Variants in BAZ1A observed in about 807,000 individuals in gnomAD.
BAZ1A encodes the protein bromodomain adjacent to zinc finger domain protein 1A.
BAZ1A carries 50 observed loss-of-function variants against 185.2 expected under a neutral mutation model. That is an observed-to-expected ratio of 0.27 (90% confidence interval 0.22 to 0.34). The LOEUF is 0.34. Among genes scored for constraint, BAZ1A ranks in the 10% least tolerant of loss-of-function variants. BAZ1A has a pLI of 1.00. For missense variants in BAZ1A, 1,356 were observed against 1,839.9 expected, an observed-to-expected ratio of 0.74 and a Z score of 4.81; for synonymous variants, 571 against 615.6, an observed-to-expected ratio of 0.93 and a Z score of 1.07.
intron 6 of BAZ1A, among the ~76,000 whole-genome samples, chr14:34,805,195 G>A (rs1177704957): frequency 1.3e-5 from 2 of 152,294 alleles, no homozygotes; most frequent in African/African-American, 4.8e-5. Context: ...ACTGTGAGCC[G>A]ATTAAACCTC....
chr14:34,815,389 CA>C (rs2041991367), intron 4 of BAZ1A, among the ~76,000 whole-genome samples: 1 of 152,166 alleles, frequency 6.6e-6, no homozygotes, highest in Admixed American at 6.6e-5. Flanking sequence ...AAAAAACTTA[CA>C]TTTTAATCAT....
intron 3 of BAZ1A, among the ~76,000 whole-genome samples, chr14:34,836,438 C>T (rs2042333367): frequency 7.0e-6 from 1 of 142,164 alleles, no homozygotes; most frequent in Admixed American, 7.1e-5. Flanking sequence ...AACTGAGACA[C>T]ATGCAGAATT....
chr14:34,803,177 G>A (rs893346455), intron 6 of BAZ1A, among the ~76,000 whole-genome samples, 189 bp from the exon 7 acceptor site: 3 of 151,938 alleles, frequency 2.0e-5, no homozygotes, highest in African/African-American at 4.8e-5. Context: ...TCAAGAGATC[G>A]AGACCATCCT....
chr14:34,816,018 C>T lies in BAZ1A; in HGVS notation c.537-4982G>A, dbSNP rs140823615. Among the ~76,000 whole-genome samples the T allele has an allele frequency of 1.4e-4, 21 of 149,578 alleles. No individual in the cohort carries two copies. In the East Asian group the frequency reaches 2.5e-3, roughly 18 times the overall value. ...CTAACGATTAGTCAAGTTATAATGA[C>T]GGCTAGACTATACTGCATCAAAGTA... On this transcript the variant is annotated intron_variant, in intron 4 of 26. Coordinates refer to ENST00000360310, the MANE Select transcript of BAZ1A (RefSeq NM_013448.3).
chr14:34,856,093 C>T (rs539051411), intron 3 of BAZ1A, among the ~76,000 whole-genome samples: 60 of 152,194 alleles, frequency 3.9e-4, no homozygotes, highest in African/African-American at 1.4e-3. Flanking sequence ...AGGATTGGAA[C>T]AAGCAAGCTA....
At chr14:34,760,552 CA>C (rs1046203681) in intron 24 of BAZ1A, among the ~76,000 whole-genome samples, 2 of 137,002 alleles carry the variant, frequency 1.5e-5, no homozygotes, top group African/African-American at 5.4e-5. Flanking sequence ...AAAACAACAA[CA>C]AAAAAATAGG....
chr14:34,869,225 A>G (rs1342929471), intron 2 of BAZ1A, among the ~76,000 whole-genome samples: 1 of 152,026 alleles, frequency 6.6e-6, no homozygotes, highest in Non-Finnish European at 1.5e-5. Context: ...TAAATAAATA[A>G]ATAACATAAC....
At chr14:34,792,742 A>G (rs372037049) in intron 12 of BAZ1A, 33 bp downstream of exon 12, 445 of 1,604,248 alleles carry the variant, frequency 2.8e-4, no homozygotes, top group Admixed American at 5.1e-4. Flanking sequence ...CAAAACTACT[A>G]TGGTTCAATC....
chr14:34,853,617 T>C (rs2042630513), intron 3 of BAZ1A, among the ~76,000 whole-genome samples: 1 of 152,160 alleles, frequency 6.6e-6, no homozygotes, highest in Non-Finnish European at 1.5e-5. Flanking sequence ...AAACTCTGTC[T>C]TTACTAAAAA....
intron 7 of BAZ1A, 119 bp from the exon 8 acceptor site, chr14:34,801,312 G>T: frequency 1.3e-6 from 1 of 740,774 alleles, no homozygotes; most frequent in Non-Finnish European, 2.2e-6. Context: ...ATTTTTTTGA[G>T]ACAAAGTCTC....
rs1886243907 is a variant in BAZ1A at position 34,756,343 on chromosome 14, T to C, written c.4387-1429A>G. ...TGTTAGCCAGGATGGTCTCAATCTC[T>C]TGACCTCGTGATCTGCCCACCTCGG... On this transcript the variant is annotated intron_variant, in intron 25 of 26. Coordinates refer to ENST00000360310, the MANE Select transcript of BAZ1A (RefSeq NM_013448.3). 3.3e-5 allele frequency among the ~76,000 whole-genome samples: 5 copies of C among 151,770 alleles called. No individual in the cohort carries two copies. In the South Asian group the frequency reaches 1.0e-3, roughly 32 times the overall value.
intron 6 of BAZ1A, among the ~76,000 whole-genome samples, chr14:34,803,449 A>G (rs1372013930): frequency 1.3e-5 from 2 of 151,976 alleles, no homozygotes; most frequent in Non-Finnish European, 2.9e-5. Context: ...AGTAAAATAC[A>G]TTTTAGTTGG....
At chr14:34,793,194 G>T (rs1023287549) in intron 11 of BAZ1A, among the ~76,000 whole-genome samples, 1 of 151,944 alleles carries the variant, frequency 6.6e-6, no homozygotes, top group Admixed American at 6.6e-5. Flanking sequence ...TAAATTTAAG[G>T]CACAAATTAA....
intron 3 of BAZ1A, chr14:34,828,511 T>A (rs1309606021): frequency 1.3e-5 from 2 of 151,862 alleles, no homozygotes; most frequent in Middle Eastern, 3.4e-3. Context: ...CAAAACTTTC[T>A]CGTTTCCTCA....
rs149605630 is a variant in BAZ1A, at chr14:34,773,108, C to T, written c.3152+464G>A. On this transcript the variant is annotated intron_variant, in intron 20 of 26. Transcript: ENST00000360310. ...TAAAAAAAAGAGAGACAGGGTCTCA[C>T]TATGTTGCCCAGGCTGGTCTCCAAC... 6.1e-3 allele frequency among the ~76,000 whole-genome samples: 936 copies of T among 152,270 alleles called. 17 individuals are homozygous for T. The highest frequency in any genetic ancestry group is 0.022 in the African/African-American group (904 of 41,556).
chr14:34,848,517 C>T (rs1346521369), intron 3 of BAZ1A, among the ~76,000 whole-genome samples: 3 of 152,094 alleles, frequency 2.0e-5, no homozygotes, highest in East Asian at 3.9e-4. Flanking sequence ...GCAGGAGAAT[C>T]ACTTGAACCC....
intron 11 of BAZ1A, 130 bp from the exon 12 acceptor site, chr14:34,793,051 T>A (rs919796327): frequency 8.6e-6 from 7 of 813,368 alleles, no homozygotes; most frequent in Non-Finnish European, 1.3e-5. Flanking sequence ...TATGAAAGTA[T>A]AACCAAGTAT....
chr14:34,862,800 G>GA (rs2042790513), intron 2 of BAZ1A, among the ~76,000 whole-genome samples: 2 of 150,258 alleles, frequency 1.3e-5, no homozygotes, highest in South Asian at 4.2e-4. Flanking sequence ...AAAAAAAGAG[G>GA]AAAAGAGAAA....
intron 9 of BAZ1A, among the ~76,000 whole-genome samples, chr14:34,797,881 G>T (rs1279777513): frequency 6.6e-6 from 1 of 152,260 alleles, no homozygotes; most frequent in Non-Finnish European, 1.5e-5. Flanking sequence ...GCCTCACCCG[G>T]GAAGTGCAAG....
Sources: gnomAD v4.1 joint callset for allele counts (sites outside exome capture counted in the v4.1 genomes callset) on GRCh38, gnomAD v4.1.1 for gene constraint, MANE v1.5 for transcripts, NCBI Gene and HGNC (gene_info 2026-07-23, HGNC 2026-07-21) for gene names.